Variants in NT5C2 observed in about 807,000 individuals in gnomAD.
The protein encoded by NT5C2 is 5'-nucleotidase, cytosolic II.
Under a neutral mutation model 76.1 loss-of-function variants are expected in NT5C2, and 58 were observed. The ratio of observed to expected loss-of-function variants is 0.76; its 90% CI spans 0.62 to 0.95. The LOEUF is 0.95. Ranked by LOEUF, NT5C2 falls within the 40% of genes least tolerant of loss-of-function variation. The probability of loss-of-function intolerance (pLI) is 0.00; values close to 1 mark genes in which losing one functional copy is unlikely to be tolerated. For synonymous variants in NT5C2, 229 were observed against 237.4 expected (o/e 0.96, Z 0.32); for missense variants, 478 against 690.3 (o/e 0.69, Z 3.45).
chr10:103,172,111 G>T (rs1443518885), intron 3 of NT5C2, among the ~76,000 whole-genome samples: 1 of 152,010 alleles, frequency 6.6e-6, no homozygotes, highest in Non-Finnish European at 1.5e-5. Context: ...TCGGGACGGT[G>T]AGGCAGGAGA....
intron 1 of NT5C2, among the ~76,000 whole-genome samples, chr10:103,183,853 T>C (rs1425904579): frequency 6.6e-6 from 1 of 152,080 alleles, no homozygotes; most frequent in African/African-American, 2.4e-5. Context: ...GAAATGCCTA[T>C]TTTTCCAGAA....
At chr10:103,174,486 G>C (rs1591766347) in intron 3 of NT5C2, among the ~76,000 whole-genome samples, 1 of 152,164 alleles carries the variant, frequency 6.6e-6, no homozygotes, top group South Asian at 2.1e-4. Flanking sequence ...CAAGAGAATT[G>C]CTTGAGCCTG....
Position 103,089,401 on chromosome 10 carries a change from C to T in NT5C2, c.*271G>A, listed in dbSNP as rs770261274. On this transcript the variant is annotated 3_prime_UTR_variant, in exon 19 of 19. Transcript: ENST00000404739. ...ATGATTTTAAAAGTGTCACAAGCCA[C>T]AGTGGAGCCATATACATGCAGTTCA... The T allele has an allele frequency of 5.9e-6, 2 of 339,886 alleles. 1 individual carries two copies. 21.1% of individuals were successfully genotyped at this position (339,886 alleles called of 1,614,324 possible).
At chr10:103,090,129 A>C (rs976592206) in intron 18 of NT5C2, 2 of 444,894 alleles carry the variant, frequency 4.5e-6, no homozygotes, top group Non-Finnish European at 7.9e-6. Flanking sequence ...TGCAGCTGGA[A>C]ATTGGAAAAG....
At chr10:103,133,273 C>CTT (rs149128194) in intron 4 of NT5C2, among the ~76,000 whole-genome samples, 4,457 of 148,942 alleles carry the variant, frequency 0.03, 197 homozygotes, top group Admixed American at 0.12. Flanking sequence ...GTCCATTAAA[C>CTT]TTTTTTTTTT....
chr10:103,183,629 T>C (rs988060293), intron 1 of NT5C2, among the ~76,000 whole-genome samples: 1 of 149,612 alleles, frequency 6.7e-6, no homozygotes, highest in Non-Finnish European at 1.5e-5. Context: ...CATATATATA[T>C]ATATACATAT....
chr10:103,190,642 T>C (rs1446538109), intron 1 of NT5C2, among the ~76,000 whole-genome samples: 1 of 152,224 alleles, frequency 6.6e-6, no homozygotes. Flanking sequence ...GGTTGCATGA[T>C]GTTAAGTAGC....
At chr10:103,155,010 G>A (rs1692517703) in intron 3 of NT5C2, among the ~76,000 whole-genome samples, 1 of 152,058 alleles carries the variant, frequency 6.6e-6, no homozygotes, top group Admixed American at 6.6e-5. Flanking sequence ...TTGAACTGAG[G>A]GTACACACTT....
At chr10:103,162,133 A>G (rs2085060522) in intron 3 of NT5C2, among the ~76,000 whole-genome samples, 1 of 152,132 alleles carries the variant, frequency 6.6e-6, no homozygotes, top group Admixed American at 6.6e-5. Context: ...CTCCTGCCTC[A>G]GCCTCCCAAG....
intron 6 of NT5C2, among the ~76,000 whole-genome samples, chr10:103,103,872 G>T (rs764428500): frequency 6.6e-6 from 1 of 150,982 alleles, no homozygotes; most frequent in East Asian, 1.9e-4. Context: ...TTATTTTTTT[G>T]AGATAGGGTC....
At chr10:103,100,879 G>A (rs1197525202) in intron 8 of NT5C2, 166 bp downstream of exon 8, 8 of 697,662 alleles carry the variant, frequency 1.1e-5, no homozygotes, top group South Asian at 1.5e-5. Context: ...AGCCTGCATG[G>A]AGCTGCTGGT....
rs762580200 is a variant in NT5C2 at position 103,099,960 on chromosome 10, T to C, written c.599A>G (p.Asp200Gly). The change falls in exon 9 of 19, where the codon GAT (aspartate) becomes GGT (glycine). Residue 200 changes from aspartate (D) to glycine (G), a missense_variant. Asp to Gly is a moderately conservative substitution (Grantham distance 94, BLOSUM62 -1). Transcript: ENST00000404739. The part of the protein sequence containing the change: ...LFMSYRSMFQ[D>G]VRDAVDWVHY... The stretch of plus-strand genomic sequence containing the variant: ...AACCCAGTCAACAGCATCTCTTACA[T>C]CCTGGAACATACTCCGGTAGGACAT... 6.2e-7 allele frequency: 1 copy of C among 1,613,058 alleles called. No individual in the cohort carries two copies. Among genetic ancestry groups the C allele is most frequent in the South Asian group, 1.1e-5 (1 of 91,066 alleles).
chr10:103,147,649 T>C (rs1394184434), intron 3 of NT5C2, among the ~76,000 whole-genome samples: 3 of 152,232 alleles, frequency 2.0e-5, no homozygotes, highest in Non-Finnish European at 4.4e-5. Context: ...ACATAAAATA[T>C]GGTAGTTCTC....
intron 4 of NT5C2, among the ~76,000 whole-genome samples, chr10:103,134,781 A>C (rs2078869495): frequency 6.6e-6 from 1 of 152,216 alleles, no homozygotes; most frequent in South Asian, 2.1e-4. Context: ...CTGGGAGGGA[A>C]GCTGTACCCT....
intron 16 of NT5C2, among the ~76,000 whole-genome samples, chr10:103,091,240 A>G (rs1590614003): frequency 1.3e-5 from 2 of 151,916 alleles, no homozygotes; most frequent in East Asian, 3.9e-4. Context: ...TTCGTTTGCC[A>G]TGTTGGTCAG....
Position 103,108,022 on chromosome 10 carries a change from G to A in NT5C2, c.176-1316C>T, listed in dbSNP as rs1281952080. 2.0e-5 allele frequency among the ~76,000 whole-genome samples: 3 copies of A among 152,086 alleles called. No homozygotes were observed. In the East Asian group the frequency reaches 5.8e-4, roughly 29 times the overall value. On this transcript the variant is annotated intron_variant, in intron 4 of 18. Coordinates refer to ENST00000404739, the MANE Select transcript of NT5C2 (RefSeq NM_001351169.2). ...ACACAAAAATTAGTTGGACGTTGTG[G>A]CGGGCACCTGTAATCCCAGCTACTC...
chr10:103,105,694 C>T lies in NT5C2; in HGVS notation c.389+12G>A. 6.4e-7 allele frequency: 1 copy of T among 1,557,626 alleles called. No homozygotes were observed. The highest frequency in any genetic ancestry group is 1.7e-4 in the Middle Eastern group (1 of 5,934). Reference sequence around the variant, plus strand: ...TAACATTAGAAAGAGGCTAAAGGTTCTCTGTACTCACCCCCTTATAAAGTT... The same window carrying T: ...TAACATTAGAAAGAGGCTAAAGGTTTTCTGTACTCACCCCCTTATAAAGTT... On this transcript the variant is annotated intron_variant, in intron 6 of 18. Coordinates refer to ENST00000404739, the MANE Select transcript of NT5C2 (RefSeq NM_001351169.2).
intron 4 of NT5C2, among the ~76,000 whole-genome samples, chr10:103,118,339 T>C (rs1035648897): frequency 2.0e-5 from 3 of 151,474 alleles, no homozygotes; most frequent in Non-Finnish European, 4.4e-5. Flanking sequence ...GAATCTAGCA[T>C]GAAATTATCA....
chr10:103,162,522 C>T (rs1054748667), intron 3 of NT5C2, among the ~76,000 whole-genome samples: 3 of 152,092 alleles, frequency 2.0e-5, no homozygotes, highest in African/African-American at 7.2e-5. Flanking sequence ...ACTATGTATA[C>T]ACTAGAATAA....
Sources: gnomAD v4.1 joint callset for allele counts (sites outside exome capture counted in the v4.1 genomes callset) on GRCh38, gnomAD v4.1.1 for gene constraint, MANE v1.5 for transcripts, NCBI Gene and HGNC (gene_info 2026-07-23, HGNC 2026-07-21) for gene names.